Variants in CTNNA3 observed in about 807,000 individuals in gnomAD.
CTNNA3 encodes catenin alpha-3.
Under a neutral mutation model 95.7 loss-of-function variants are expected in CTNNA3, and 76 were observed. The observed-to-expected ratio is 0.79, with a 90% CI of 0.66 to 0.96. The LOEUF (loss-of-function observed/expected upper bound fraction) is 0.96. CTNNA3 is among the 40% of genes least tolerant of loss of function. The pLI is 0.00. For missense variants in CTNNA3, 1,191 were observed against 1,089.8 expected, an observed-to-expected ratio of 1.09 and a Z score of -1.31; for synonymous variants, 431 against 374.4, an observed-to-expected ratio of 1.15 and a Z score of -1.74.
At chr10:67,193,362 C>A (rs1006694507) in intron 6 of CTNNA3, among the ~76,000 whole-genome samples, 1 of 151,838 alleles carries the variant, frequency 6.6e-6, no homozygotes, top group Non-Finnish European at 1.5e-5. Flanking sequence ...TTTTCCTAAA[C>A]CTTTTAAGTC....
chr10:67,321,518 C>A (rs923922117), intron 5 of CTNNA3, among the ~76,000 whole-genome samples: 3 of 152,078 alleles, frequency 2.0e-5, no homozygotes, highest in African/African-American at 7.2e-5. Context: ...TCAGCGGCAC[C>A]CAGAGGGAAA....
intron 11 of CTNNA3, among the ~76,000 whole-genome samples, chr10:66,473,744 C>A (rs1009793569): frequency 1.3e-5 from 2 of 151,986 alleles, no homozygotes; most frequent in Non-Finnish European, 2.9e-5. Context: ...CAATTCCCAT[C>A]TATGAGTGAG....
At chr10:66,218,361 C>A (rs1183503964) in intron 13 of CTNNA3, among the ~76,000 whole-genome samples, 1 of 152,030 alleles carries the variant, frequency 6.6e-6, no homozygotes, top group Non-Finnish European at 1.5e-5. Context: ...GGTAGACTTC[C>A]AAGATTAGGT....
chr10:67,064,087 T>A (rs1855920653), intron 7 of CTNNA3, among the ~76,000 whole-genome samples: 1 of 152,202 alleles, frequency 6.6e-6, no homozygotes, highest in African/African-American at 2.4e-5. Flanking sequence ...GTGCACTTAT[T>A]TCTAGTTAGC....
chr10:67,455,602 C>T (rs1847144882), intron 5 of CTNNA3, among the ~76,000 whole-genome samples: 2 of 152,134 alleles, frequency 1.3e-5, no homozygotes, highest in South Asian at 4.1e-4. Context: ...AGAATGTCCC[C>T]TTTATATAAT....
chr10:67,750,879 C>T, intron 1 of CTNNA3: 1 of 1,610,988 alleles, frequency 6.2e-7, no homozygotes, highest in East Asian at 2.2e-5. Flanking sequence ...TGATCCAGTA[C>T]TGCCACTCCA....
intron 13 of CTNNA3, among the ~76,000 whole-genome samples, chr10:66,185,182 T>C (rs1564740635): frequency 6.6e-6 from 1 of 152,204 alleles, no homozygotes; most frequent in Admixed American, 6.5e-5. Flanking sequence ...ATGAGGTTTT[T>C]ATTTACAATA....
At position 66,900,630 on chromosome 10, in the gene CTNNA3, A is replaced by G. The variant is rs569379823; in HGVS notation, c.1048-125106T>C. On this transcript the variant is annotated intron_variant, in intron 7 of 17. Coordinates refer to ENST00000433211, the MANE Select transcript of CTNNA3 (RefSeq NM_013266.4). The stretch of plus-strand genomic sequence containing the variant: ...GGAAGGATTAGAAAAAAAACCTTGA[A>G]AAAAGGTTAGATGAATGGCTAACTA... 3.3e-5 allele frequency among the ~76,000 whole-genome samples: 5 copies of G among 152,272 alleles called. No homozygotes were observed. In the East Asian group the frequency reaches 9.7e-4, roughly 29 times the overall value.
At chr10:66,461,899 G>A (rs2093532560) in intron 11 of CTNNA3, among the ~76,000 whole-genome samples, 3 of 148,388 alleles carry the variant, frequency 2.0e-5, no homozygotes, top group Admixed American at 6.8e-5. Flanking sequence ...TGCAACCTCC[G>A]CCTCCCAGGT....
intron 12 of CTNNA3, among the ~76,000 whole-genome samples, chr10:66,308,009 T>C (rs2091955787): frequency 6.6e-6 from 1 of 152,178 alleles, no homozygotes; most frequent in South Asian, 2.1e-4. Context: ...CACCCTAATT[T>C]GCAAGACCAA....
intron 14 of CTNNA3, chr10:66,097,818 A>C (rs946244932): frequency 1.3e-5 from 2 of 152,194 alleles, no homozygotes; most frequent in African/African-American, 4.8e-5. Context: ...TGCAGAAAAT[A>C]AAACAGGAAA....
Position 66,063,342 on chromosome 10 carries a change from C to T in CTNNA3, c.2159+5966G>A, listed in dbSNP as rs147048356. Among the ~76,000 whole-genome samples the T allele has an allele frequency of 2.9e-3, 432 of 148,110 alleles. 6 individuals carry two copies. The East Asian group carries it at 0.053, about 18-fold the overall frequency. On this transcript the variant is annotated intron_variant, in intron 15 of 17. Coordinates refer to ENST00000433211, the MANE Select transcript of CTNNA3 (RefSeq NM_013266.4). ...TATAATATATATATATATTCCTAGT[C>T]GATTACCTTTTATATATCAAGATCT... is the stretch of plus-strand genomic sequence containing the variant.
chr10:67,249,753 G>C, intron 5 of CTNNA3, among the ~76,000 whole-genome samples: 1 of 152,150 alleles, frequency 6.6e-6, no homozygotes, highest in East Asian at 1.9e-4. Context: ...ACCAACCCTG[G>C]ACAGGATACC....
chr10:66,164,121 G>GT (rs1477282057), intron 13 of CTNNA3, among the ~76,000 whole-genome samples: 1 of 152,146 alleles, frequency 6.6e-6, no homozygotes, highest in African/African-American at 2.4e-5. Flanking sequence ...TTACACATCA[G>GT]TAATTATTGT....
intron 7 of CTNNA3, among the ~76,000 whole-genome samples, chr10:66,777,927 G>A (rs1264406177): frequency 6.6e-6 from 1 of 152,078 alleles, no homozygotes; most frequent in Non-Finnish European, 1.5e-5. Flanking sequence ...CTTTCTCAGA[G>A]CTAGCAGCAG....
At chr10:67,527,492 G>A (rs769326126) in intron 4 of CTNNA3, among the ~76,000 whole-genome samples, 2 of 152,164 alleles carry the variant, frequency 1.3e-5, no homozygotes, top group Non-Finnish European at 2.9e-5. Flanking sequence ...ATAGACATCT[G>A]AACTGGTTCA....
chr10:67,740,548 A>G (rs926707234), intron 1 of CTNNA3, among the ~76,000 whole-genome samples: 1 of 151,522 alleles, frequency 6.6e-6, no homozygotes, highest in Non-Finnish European at 1.5e-5. Flanking sequence ...GCCAAAAAAC[A>G]TATGAAAAAA....
intron 12 of CTNNA3, among the ~76,000 whole-genome samples, chr10:66,352,754 C>A (rs1368899991): frequency 6.6e-6 from 1 of 152,054 alleles, no homozygotes. Flanking sequence ...AGATACTTAA[C>A]AATATAATTC....
At chr10:67,566,030 CATAT>C (rs1394756922) in intron 3 of CTNNA3, among the ~76,000 whole-genome samples, 12 of 40,540 alleles carry the variant, frequency 3.0e-4, no homozygotes, top group African/African-American at 4.6e-4. Context: ...CACACACACA[CATAT>C]GTGTGTGTGT....
Sources: gnomAD v4.1 joint callset for allele counts (sites outside exome capture counted in the v4.1 genomes callset) on GRCh38, gnomAD v4.1.1 for gene constraint, MANE v1.5 for transcripts, NCBI Gene and HGNC (gene_info 2026-07-23, HGNC 2026-07-21) for gene names.